The following ROBO2 variants were observed in gnomAD, a reference collection of about 807,000 sequenced individuals.
The protein encoded by ROBO2 is roundabout homolog 2.
In ROBO2, 53 loss-of-function variants were observed where a neutral mutation model predicts 160.8. The observed-to-expected ratio is 0.33, with a 90% CI of 0.26 to 0.41. The LOEUF is 0.41. Among genes scored for constraint, ROBO2 ranks in the 10% least tolerant of loss-of-function variants. The pLI, the probability that ROBO2 is intolerant of heterozygous loss-of-function variation, is 1.00. For synonymous variants in ROBO2, 664 were observed against 611.7 expected (o/e 1.09, Z -1.26); for missense variants, 1,577 against 1,722.4 (o/e 0.92, Z 1.49).
At chr3:77,410,319 T>A (rs903137267) in intron 2 of ROBO2, among the ~76,000 whole-genome samples, 4 of 152,186 alleles carry the variant, frequency 2.6e-5, no homozygotes, top group African/African-American at 9.7e-5. Context: ...AATATTATTA[T>A]TATTGTTTCT....
At chr3:77,002,585 T>C (rs1012103275) in intron 2 of ROBO2, among the ~76,000 whole-genome samples, 11 of 152,036 alleles carry the variant, frequency 7.2e-5, no homozygotes, top group Non-Finnish European at 1.6e-4. Context: ...GTGACATCTT[T>C]AGTTCCTAAG....
chr3:77,506,438 A>C (rs2088541818), intron 5 of ROBO2, among the ~76,000 whole-genome samples: 1 of 152,088 alleles, frequency 6.6e-6, no homozygotes, highest in African/African-American at 2.4e-5. Flanking sequence ...TAACAATCCT[A>C]AATATCCAGT....
chr3:77,210,231 A>C (rs919014456), intron 2 of ROBO2, among the ~76,000 whole-genome samples: 3 of 152,102 alleles, frequency 2.0e-5, no homozygotes, highest in African/African-American at 7.2e-5. Context: ...TTCATTGCAG[A>C]AAATGGCCTA....
intron 2 of ROBO2, among the ~76,000 whole-genome samples, chr3:77,403,618 A>AT (rs61619623): frequency 2.5e-4 from 33 of 134,688 alleles, no homozygotes; most frequent in Middle Eastern, 4.1e-3. Flanking sequence ...GTGTGTGTGT[A>AT]TTTTTTTTTT....
At chr3:76,416,878 A>G (rs1350344874) in intron 2 of ROBO2, among the ~76,000 whole-genome samples, 1 of 152,192 alleles carries the variant, frequency 6.6e-6, no homozygotes, top group Non-Finnish European at 1.5e-5. Context: ...ACAGAGTTTT[A>G]TGAGCTATAG....
rs150341076 is a variant in ROBO2 at position 76,056,427 on chromosome 3, T to C, written c.109+118825T>C. On this transcript the variant is annotated intron_variant, in intron 2 of 26. Coordinates refer to the ROBO2 transcript ENST00000487694. ...GCGTGATATTTTCTTTAAAAAATGGTGCGTTTTTAAAAGGCATGATCATGA... is the reference window on the plus strand; with the variant it reads ...GCGTGATATTTTCTTTAAAAAATGGCGCGTTTTTAAAAGGCATGATCATGA... Among the ~76,000 whole-genome samples the C allele has an allele frequency of 1.1e-3, 173 of 152,232 alleles. 1 individual carries two copies. In the Middle Eastern group the frequency reaches 0.017, roughly 15 times the overall value.
intron 2 of ROBO2, among the ~76,000 whole-genome samples, chr3:77,213,063 T>G (rs1190344639): frequency 6.6e-6 from 1 of 152,200 alleles, no homozygotes; most frequent in Non-Finnish European, 1.5e-5. Flanking sequence ...TCTGCCGGGC[T>G]TTGGTATCAG....
chr3:77,646,848 A>G (rs1298294600), exon 26 of ROBO2: 1 of 152,568 alleles, frequency 6.6e-6, no homozygotes, highest in Non-Finnish European at 1.5e-5. Context: ...AAGAAATTAA[A>G]GTTTTATTTA....
At chr3:77,080,087 G>A (rs1013526049) in intron 1 of ROBO2, among the ~76,000 whole-genome samples, 2 of 152,154 alleles carry the variant, frequency 1.3e-5, no homozygotes, top group African/African-American at 4.8e-5. Flanking sequence ...CTTTCTTCCT[G>A]TATTTTTCTT....
intron 2 of ROBO2, among the ~76,000 whole-genome samples, chr3:76,477,645 G>T (rs2078998256): frequency 6.6e-6 from 1 of 151,922 alleles, no homozygotes; most frequent in South Asian, 2.1e-4. Flanking sequence ...AGATCTAACT[G>T]CTCTTAATTT....
intron 1 of ROBO2, among the ~76,000 whole-genome samples, chr3:77,080,114 C>T (rs183781333): frequency 3.0e-4 from 46 of 152,192 alleles, no homozygotes. Context: ...GCTTTTGTGT[C>T]CTGTGCTTTT....
chr3:77,042,300 C>T (rs912807887), intron 1 of ROBO2, among the ~76,000 whole-genome samples: 1 of 152,136 alleles, frequency 6.6e-6, no homozygotes, highest in Non-Finnish European at 1.5e-5. Context: ...CATTAAAATA[C>T]GTGTACATTA....
intron 2 of ROBO2, among the ~76,000 whole-genome samples, chr3:76,389,699 T>G (rs1326297745): frequency 6.6e-6 from 1 of 152,194 alleles, no homozygotes; most frequent in Non-Finnish European, 1.5e-5. Flanking sequence ...TTTTCAAATT[T>G]GATGGTTACA....
At chr3:76,000,832 G>C (rs1022335233) in intron 2 of ROBO2, among the ~76,000 whole-genome samples, 6 of 151,828 alleles carry the variant, frequency 4.0e-5, no homozygotes, top group African/African-American at 2.4e-5. Context: ...CTAAATTTTA[G>C]CATGATATAT....
rs2092328029 is a variant in ROBO2 at position 76,673,619 on chromosome 3, A to T, written c.110-424395A>T. On this transcript the variant is annotated intron_variant, in intron 2 of 26. Transcript: ENST00000487694. Reference sequence around the variant, plus strand: ...AAAACGCTCAAAACAATTATGCGTCAACTATCACTGGCCTCATTTTCAGAT... The same window carrying T: ...AAAACGCTCAAAACAATTATGCGTCTACTATCACTGGCCTCATTTTCAGAT... Among the ~76,000 whole-genome samples, 2 of 152,194 alleles carry T rather than the reference A, an allele frequency of 1.3e-5. 1 individual carries two copies. The highest frequency in any genetic ancestry group is 2.9e-5 in the Non-Finnish European group (2 of 68,038).
chr3:77,128,456 AG>A (rs1331251567), intron 2 of ROBO2, among the ~76,000 whole-genome samples: 2 of 152,204 alleles, frequency 1.3e-5, no homozygotes, highest in African/African-American at 2.4e-5. Context: ...CTCATGGATA[AG>A]AAGGGACTGC....
At chr3:76,631,812 A>G (rs2090048837) in intron 2 of ROBO2, among the ~76,000 whole-genome samples, 6 of 152,168 alleles carry the variant, frequency 3.9e-5, no homozygotes, top group Admixed American at 3.9e-4. Flanking sequence ...GGAGGAGTAG[A>G]TAAGTAACTT....
chr3:77,014,221 T>C (rs559163010), intron 2 of ROBO2, among the ~76,000 whole-genome samples: 46 of 152,308 alleles, frequency 3.0e-4, no homozygotes, highest in African/African-American at 1.1e-3. Context: ...GAATTTTTTT[T>C]AAAGGCTGCC....
At chr3:75,942,225 T>G (rs1948091052) in intron 2 of ROBO2, among the ~76,000 whole-genome samples, 1 of 152,156 alleles carries the variant, frequency 6.6e-6, no homozygotes, top group African/African-American at 2.4e-5. Flanking sequence ...ATAATCACTT[T>G]GAAAAACCTT....
Sources: gnomAD v4.1 joint callset for allele counts (sites outside exome capture counted in the v4.1 genomes callset) on GRCh38, gnomAD v4.1.1 for gene constraint, MANE v1.5 for transcripts, NCBI Gene and HGNC (gene_info 2026-07-23, HGNC 2026-07-21) for gene names.